Variants in ZNF618 observed in about 807,000 individuals in gnomAD.
ZNF618 encodes zinc finger protein 618, also known as neural precursor cell expressed, developmentally down-regulated 10.
A neutral mutation model predicts 103.0 loss-of-function variants in ZNF618; 34 were observed. That is an observed-to-expected ratio of 0.33 (90% CI 0.25 to 0.44). The LOEUF is 0.44. Among genes scored for constraint, ZNF618 ranks in the 20% least tolerant of loss-of-function variants. The probability of loss-of-function intolerance (pLI) is 1.00; values close to 1 mark genes in which losing one functional copy is unlikely to be tolerated. For synonymous variants in ZNF618, 551 were observed against 542.2 expected, an observed-to-expected ratio of 1.02 and a Z score of -0.23; for missense variants, 1,059 against 1,295.4, an observed-to-expected ratio of 0.82 and a Z score of 2.80.
chr9:113,988,961 C>T (rs570386393), intron 3 of ZNF618, among the ~76,000 whole-genome samples: 29 of 152,318 alleles, frequency 1.9e-4, no homozygotes, highest in Non-Finnish European at 2.5e-4. Context: ...ATCCCAGTGC[C>T]GGTGCTGCTC....
chr9:114,048,761 G>T lies in ZNF618; in HGVS notation c.1459G>T (p.Val487Phe). ...MCADLGALSV[V>F]SGKEFLKLAQ... ...TGCCGACCTGGGTGCACTGAGCGTGGTCAGCGGGAAGGAGTTCCTGAAGTT... is the reference window on the plus strand; with the variant it reads ...TGCCGACCTGGGTGCACTGAGCGTGTTCAGCGGGAAGGAGTTCCTGAAGTT... The change falls in exon 15 of 15, where the codon GTC (valine) becomes TTC (phenylalanine). Residue 487 changes from valine to phenylalanine, a missense_variant. Physicochemically the swap from Val to Phe is conservative, Grantham distance 50. Transcript: ENST00000374126. 1 of 1,614,058 alleles carries T rather than the reference G, an allele frequency of 6.2e-7. No homozygotes were observed. Among genetic ancestry groups the T allele is most frequent in the Non-Finnish European group, 8.5e-7 (1 of 1,179,902 alleles).
At chr9:113,895,351 C>G (rs1178578803) in intron 1 of ZNF618, among the ~76,000 whole-genome samples, 1 of 151,920 alleles carries the variant, frequency 6.6e-6, no homozygotes, top group African/African-American at 2.4e-5. Flanking sequence ...CTTTGATCTG[C>G]CGATGTGATG....
chr9:113,996,784 A>G (rs1840641233), intron 3 of ZNF618, among the ~76,000 whole-genome samples: 1 of 152,186 alleles, frequency 6.6e-6, no homozygotes, highest in Non-Finnish European at 1.5e-5. Flanking sequence ...TGGCAGCACC[A>G]GACATAGTGG....
intron 1 of ZNF618, among the ~76,000 whole-genome samples, chr9:113,900,282 G>C (rs1433772347): frequency 1.3e-5 from 2 of 152,044 alleles, no homozygotes; most frequent in African/African-American, 2.4e-5. Flanking sequence ...GGCTGCTCTC[G>C]AACTCCTGAC....
Position 114,052,244 on chromosome 9 carries a change from C to T in ZNF618, c.*2077C>T, listed in dbSNP as rs1055632505. On this transcript the variant is annotated 3_prime_UTR_variant, in exon 15 of 15. Transcript: ENST00000374126. ...CACACTTTGCCTCATGAGAACTCACCCAGCTCTCCCCTTGAAACTTGGACA... is the reference window on the plus strand; with the variant it reads ...CACACTTTGCCTCATGAGAACTCACTCAGCTCTCCCCTTGAAACTTGGACA... 1.3e-5 allele frequency: 2 copies of T among 152,630 alleles called. No individual in the cohort carries two copies. The highest frequency in any genetic ancestry group is 4.8e-5 in the African/African-American group (2 of 41,428). The allele number at this position is 152,630 out of a possible 1,614,324, so 9.5% of individuals were successfully genotyped here. A position where few individuals can be genotyped will look rare whatever the true frequency, so the allele number is the denominator to read the frequency against.
intron 13 of ZNF618, among the ~76,000 whole-genome samples, chr9:114,041,011 A>T (rs2134455836): frequency 6.6e-6 from 1 of 152,304 alleles, no homozygotes; most frequent in Middle Eastern, 3.4e-3. Flanking sequence ...TGACTTTTTA[A>T]TAATTGCCAT....
At chr9:113,947,992 C>T (rs964165729) in intron 1 of ZNF618, among the ~76,000 whole-genome samples, 2 of 152,158 alleles carry the variant, frequency 1.3e-5, no homozygotes, top group Non-Finnish European at 1.5e-5. Flanking sequence ...CAAAGAGCAT[C>T]AGAATGGCAG....
At chr9:113,945,039 T>C (rs1487220019) in intron 1 of ZNF618, among the ~76,000 whole-genome samples, 1 of 152,172 alleles carries the variant, frequency 6.6e-6, no homozygotes, top group Non-Finnish European at 1.5e-5. Flanking sequence ...TGATCAGCTC[T>C]CCATTCTCCT....
At chr9:113,988,785 G>A (rs1839739853) in intron 3 of ZNF618, among the ~76,000 whole-genome samples, 1 of 152,336 alleles carries the variant, frequency 6.6e-6, no homozygotes, top group Middle Eastern at 3.4e-3. Flanking sequence ...TTCTGTTTCT[G>A]CTGGGCAGCA....
At chr9:114,019,579 T>TTATA in intron 10 of ZNF618, among the ~76,000 whole-genome samples, 1 of 152,258 alleles carries the variant, frequency 6.6e-6, no homozygotes, top group Admixed American at 6.5e-5. Context: ...ATTTGTATTT[T>TTATA]CCTGATAACT....
At chr9:113,972,934 T>C (rs763561445) in intron 2 of ZNF618, among the ~76,000 whole-genome samples, 1 of 152,098 alleles carries the variant, frequency 6.6e-6, no homozygotes, top group Non-Finnish European at 1.5e-5. Context: ...CCAGGTATGG[T>C]GGCACACACC....
At chr9:114,043,230 CT>C (rs1431565225) in intron 13 of ZNF618, among the ~76,000 whole-genome samples, 1 of 152,164 alleles carries the variant, frequency 6.6e-6, no homozygotes, top group African/African-American at 2.4e-5. Context: ...GTTTTTAACT[CT>C]TTTGGGTATA....
chr9:114,030,510 G>A (rs888600124), intron 11 of ZNF618, among the ~76,000 whole-genome samples: 13 of 152,150 alleles, frequency 8.5e-5, no homozygotes, highest in African/African-American at 3.1e-4. Flanking sequence ...GTACGTGGCC[G>A]GTCTCCAGCT....
intron 1 of ZNF618, among the ~76,000 whole-genome samples, chr9:113,932,187 A>G (rs777851217): frequency 2.6e-5 from 4 of 152,212 alleles, no homozygotes; most frequent in Non-Finnish European, 4.4e-5. Context: ...GGGAGTCAGG[A>G]AAGACCTCTC....
At position 114,050,721 on chromosome 9, in the gene ZNF618, T is replaced by C. The variant is rs7875728; in HGVS notation, c.*554T>C. 0.69 allele frequency: 105,448 copies of C among 153,024 alleles called. 37,170 individuals are homozygous for C. Among genetic ancestry groups the C allele is most frequent in the Non-Finnish European group, 0.76 (51,726 of 68,398 alleles). 9.5% of individuals were successfully genotyped at this position (153,024 alleles called of 1,614,324 possible). ...TTCACCCCGGTCCTCCTTTTCCCTCTTTGACCCTCTTCCAGCCCTCCTACC... is the reference window on the plus strand; with the variant it reads ...TTCACCCCGGTCCTCCTTTTCCCTCCTTGACCCTCTTCCAGCCCTCCTACC... On this transcript the variant is annotated 3_prime_UTR_variant, in exon 15 of 15. Transcript: ENST00000374126.
At position 114,050,555 on chromosome 9, in the gene ZNF618, G is replaced by A. The variant is rs1846071293; in HGVS notation, c.*388G>A. The A allele has an allele frequency of 6.1e-6, 1 of 164,534 alleles. No homozygotes were observed. The highest frequency in any genetic ancestry group is 6.4e-5 in the Admixed American group (1 of 15,738). The allele number at this position is 164,534 out of a possible 1,614,324, so 10.2% of individuals were successfully genotyped here. A position where few individuals can be genotyped will look rare whatever the true frequency, so the allele number is the denominator to read the frequency against. ...CGTGTCAGGAAAGCTGAGCGATTGG[G>A]AAAGAGGGAGATGTTTCACCTCCTT... On this transcript the variant is annotated 3_prime_UTR_variant, in exon 15 of 15. Coordinates refer to ENST00000374126, the MANE Select transcript of ZNF618 (RefSeq NM_001318042.2).
At chr9:114,004,175 A>G (rs1275875904) in intron 6 of ZNF618, among the ~76,000 whole-genome samples, 1 of 152,224 alleles carries the variant, frequency 6.6e-6, no homozygotes, top group Non-Finnish European at 1.5e-5. Context: ...CATTTCTTCT[A>G]AGACACTTTC....
chr9:114,019,414 C>T (rs1009745525), intron 10 of ZNF618, among the ~76,000 whole-genome samples: 1 of 152,174 alleles, frequency 6.6e-6, no homozygotes, highest in Non-Finnish European at 1.5e-5. Flanking sequence ...TAATAAGTGA[C>T]AAACCATTTT....
intron 2 of ZNF618, among the ~76,000 whole-genome samples, chr9:113,980,446 T>C (rs1422718848): frequency 6.6e-6 from 1 of 151,958 alleles, no homozygotes; most frequent in Non-Finnish European, 1.5e-5. Flanking sequence ...TATTTAGAAC[T>C]AAAGAGTCTA....
Sources: allele counts gnomAD v4.1 joint callset (sites outside exome capture counted in the v4.1 genomes callset), GRCh38; gene constraint gnomAD v4.1.1; transcripts MANE v1.5; gene names NCBI Gene and HGNC (gene_info 2026-07-23, HGNC 2026-07-21).